WWOX: variants seen among roughly 807,000 people sequenced by gnomAD.
WWOX encodes WW domain containing oxidoreductase.
WWOX carries 69 observed loss-of-function variants against 46.2 expected under a neutral mutation model. That is an observed-to-expected ratio of 1.49 (90% CI 1.23 to 1.82). The LOEUF (loss-of-function observed/expected upper bound fraction) is 1.82. Ranked by LOEUF, WWOX falls within the 40% of genes most tolerant of loss-of-function variation. The pLI is 0.00. For missense variants in WWOX, 919 were observed against 542.6 expected, an observed-to-expected ratio of 1.69 and a Z score of -6.89; for synonymous variants, 359 against 202.6, an observed-to-expected ratio of 1.77 and a Z score of -6.56.
intron 8 of WWOX, chr16:79,205,991 T>G (rs1354398086): frequency 6.6e-6 from 1 of 152,344 alleles, no homozygotes; most frequent in East Asian, 1.9e-4. Flanking sequence ...ATCTGGCACC[T>G]GGAGATGGCA....
chr16:78,370,787 TTGGG>T (rs761969218), intron 5 of WWOX, among the ~76,000 whole-genome samples: 6 of 13,454 alleles, frequency 4.5e-4, no homozygotes, highest in Non-Finnish European at 6.0e-4. Context: ...TCTTTTTTTT[TTGGG>T]GGGGGGGGGG....
intron 8 of WWOX, among the ~76,000 whole-genome samples, chr16:78,923,276 C>A (rs558395924): frequency 3.3e-5 from 5 of 152,220 alleles, no homozygotes; most frequent in African/African-American, 4.8e-5. Context: ...CCACTGTGCC[C>A]GGCCATCTTT....
intron 8 of WWOX, among the ~76,000 whole-genome samples, chr16:79,014,156 C>G (rs764161917): frequency 2.6e-5 from 4 of 152,082 alleles, no homozygotes; most frequent in African/African-American, 9.7e-5. Context: ...AAGGGATGGT[C>G]CTATTTAAGG....
At chr16:78,752,640 A>G (rs929647925) in intron 8 of WWOX, among the ~76,000 whole-genome samples, 1 of 152,208 alleles carries the variant, frequency 6.6e-6, no homozygotes, top group Non-Finnish European at 1.5e-5. Context: ...TCAAATCATG[A>G]TAAAATTCTT....
intron 8 of WWOX, among the ~76,000 whole-genome samples, chr16:79,163,166 G>T (rs1207431468): frequency 6.6e-6 from 1 of 152,198 alleles, no homozygotes; most frequent in East Asian, 1.9e-4. Context: ...TATGCTGGGG[G>T]AGACACTGTG....
In WWOX at chr16:78,504,758, C is replaced by T. The variant is rs187173908; in HGVS notation, c.1056+72006C>T. ...ATGGGGCTTGGAACCACGCCACGGA[C>T]GCATGAAGCCTCCCCGTTTACATGC... is the stretch of plus-strand genomic sequence containing the variant. On this transcript the variant is annotated intron_variant, in intron 8 of 8. Coordinates refer to ENST00000566780, the MANE Select transcript of WWOX (RefSeq NM_016373.4). 1.4e-4 allele frequency among the ~76,000 whole-genome samples: 21 copies of T among 152,074 alleles called. No individual in the cohort carries two copies. In the East Asian group the frequency reaches 1.9e-3, roughly 14 times the overall value.
intron 8 of WWOX, among the ~76,000 whole-genome samples, chr16:78,751,990 T>C (rs897041707): frequency 7.4e-5 from 10 of 135,120 alleles, no homozygotes; most frequent in Non-Finnish European, 1.4e-4. Context: ...CTAAAGAGAA[T>C]TGGCATTTTT....
chr16:78,313,867 C>T (rs2080299972), intron 5 of WWOX, among the ~76,000 whole-genome samples: 1 of 152,180 alleles, frequency 6.6e-6, no homozygotes, highest in South Asian at 2.1e-4. Flanking sequence ...CCCTGTCATT[C>T]ATCAGAATTC....
rs548419573 is a variant in WWOX, at chr16:78,796,702, A to G, written c.1056+363950A>G. Among the ~76,000 whole-genome samples the G allele has an allele frequency of 2.0e-5, 3 of 152,342 alleles. 1 individual carries two copies. The South Asian group carries it at 6.2e-4, about 32-fold the overall frequency. The stretch of plus-strand genomic sequence containing the variant: ...TCAGCATCATTGCAAAGTATTAGAA[A>G]GGGCCCTGCCTGGGCTAGGAGCCAG... On this transcript the variant is annotated intron_variant, in intron 8 of 8. Transcript: ENST00000566780.
At chr16:78,651,039 T>C (rs533725337) in intron 8 of WWOX, among the ~76,000 whole-genome samples, 3 of 152,224 alleles carry the variant, frequency 2.0e-5, no homozygotes, top group Non-Finnish European at 4.4e-5. Context: ...TGATAGCTCC[T>C]TGACTGCTGA....
intron 8 of WWOX, among the ~76,000 whole-genome samples, chr16:78,950,148 A>G (rs2046029492): frequency 6.6e-6 from 1 of 152,190 alleles, no homozygotes; most frequent in South Asian, 2.1e-4. Context: ...AAAAGAGAGT[A>G]TGATCTCACT....
intron 5 of WWOX, among the ~76,000 whole-genome samples, chr16:78,334,427 C>G (rs80028643): frequency 6.6e-6 from 1 of 152,160 alleles, no homozygotes; most frequent in Non-Finnish European, 1.5e-5. Context: ...AGACTTTACT[C>G]TGAGCTATGA....
At chr16:78,804,951 A>G (rs143560614) in intron 8 of WWOX, among the ~76,000 whole-genome samples, 5,100 of 152,330 alleles carry the variant, frequency 0.033, 133 homozygotes, top group Non-Finnish European at 0.053. Context: ...TATTGCTACC[A>G]ATGTCTATGG....
chr16:78,394,196 G>C (rs147758739), intron 6 of WWOX, among the ~76,000 whole-genome samples: 135 of 152,184 alleles, frequency 8.9e-4, no homozygotes, highest in African/African-American at 3.0e-3. Flanking sequence ...ATTACTCTTG[G>C]CTCAATATGA....
At chr16:78,876,274 T>C (rs2044232168) in intron 8 of WWOX, among the ~76,000 whole-genome samples, 1 of 152,130 alleles carries the variant, frequency 6.6e-6, no homozygotes, top group African/African-American at 2.4e-5. Context: ...TATTTTAATA[T>C]TGTACCCATT....
At chr16:79,001,447 C>A (rs1597259144) in intron 8 of WWOX, among the ~76,000 whole-genome samples, 1 of 152,122 alleles carries the variant, frequency 6.6e-6, no homozygotes, top group African/African-American at 2.4e-5. Context: ...ATATTGGTGC[C>A]AAGCTAAATT....
chr16:78,163,560 C>T (rs963077417), intron 4 of WWOX, among the ~76,000 whole-genome samples: 2 of 152,206 alleles, frequency 1.3e-5, no homozygotes, highest in African/African-American at 4.8e-5. Context: ...AAATGCTGGC[C>T]TTGCAGTTTT....
intron 8 of WWOX, among the ~76,000 whole-genome samples, chr16:79,210,695 C>A (rs1567623489): frequency 6.6e-6 from 1 of 151,998 alleles, no homozygotes; most frequent in African/African-American, 2.4e-5. Context: ...TCCCTCTGAA[C>A]AGCAGCCTAT....
At chr16:78,983,482 C>T (rs547014606) in intron 8 of WWOX, among the ~76,000 whole-genome samples, 14 of 152,232 alleles carry the variant, frequency 9.2e-5, no homozygotes, top group Admixed American at 9.2e-4. Flanking sequence ...TAGGAAAGAC[C>T]ATCATGCTAT....
Sources: gnomAD v4.1 joint callset for allele counts (sites outside exome capture counted in the v4.1 genomes callset) on GRCh38, gnomAD v4.1.1 for gene constraint, MANE v1.5 for transcripts, NCBI Gene and HGNC (gene_info 2026-07-23, HGNC 2026-07-21) for gene names.